Variants in PDGFA observed in about 807,000 individuals in gnomAD.
PDGFA encodes platelet derived growth factor subunit A, also known as platelet-derived growth factor subunit A.
In PDGFA, 9 loss-of-function variants were observed where a neutral mutation model predicts 25.6. That is an observed-to-expected ratio of 0.35 (90% CI 0.21 to 0.61). PDGFA has a LOEUF of 0.61. Among genes scored for constraint, PDGFA ranks in the 20% least tolerant of loss-of-function variants. The probability of loss-of-function intolerance (pLI) is 0.75; values close to 1 mark genes in which losing one functional copy is unlikely to be tolerated. For missense variants in PDGFA, 242 were observed against 272.8 expected (o/e 0.89, Z 0.79); for synonymous variants, 133 against 111.8 (o/e 1.19, Z -1.20).
At chr7:510,475 G>A (rs1335398301) in intron 4 of PDGFA, among the ~76,000 whole-genome samples, 1 of 149,282 alleles carries the variant, frequency 6.7e-6, no homozygotes, top group African/African-American at 2.5e-5. Context: ...TGGTAGGGGC[G>A]GCCCCGGGCT....
rs537147936 is a variant in PDGFA at position 508,277 on chromosome 7, C to T, written c.453+2532G>A. The stretch of plus-strand genomic sequence containing the variant: ...CTAATGTAGCCCCAAAACTTAAATC[C>T]TCAAACATCATTTCAGTGACCCCAT... On this transcript the variant is annotated intron_variant, in intron 4 of 5. Coordinates refer to ENST00000402802, the Ensembl canonical transcript of PDGFA. Among the ~76,000 whole-genome samples the T allele has an allele frequency of 1.3e-4, 20 of 152,112 alleles. 1 individual carries two copies. The South Asian group carries it at 4.2e-3, about 32-fold the overall frequency.
At chr7:497,659 C>G (rs1372885351) in exon 6 of PDGFA, 1 of 152,062 alleles carries the variant, frequency 6.6e-6, no homozygotes, top group African/African-American at 2.4e-5. Flanking sequence ...ACGCATAGTT[C>G]TTTCAAAATG....
At position 511,978 on chromosome 7, in the gene PDGFA, C is replaced by A. The variant is rs112274424; in HGVS notation, c.265+373G>T. Among the ~76,000 whole-genome samples, 1,007 of 152,308 alleles carry A rather than the reference C, an allele frequency of 6.6e-3. 6 individuals carry two copies. The highest frequency in any genetic ancestry group is 0.022 in the African/African-American group (921 of 41,552). On this transcript the variant is annotated intron_variant, in intron 3 of 5. Transcript: ENST00000402802. ...GCGCAGGAGCACGATGCCCACACTG[C>A]GAATTGGAAATTAGGCGCGACCACG...
At chr7:516,664 C>A (rs1783117362) in intron 2 of PDGFA, among the ~76,000 whole-genome samples, 1 of 152,168 alleles carries the variant, frequency 6.6e-6, no homozygotes, top group Admixed American at 6.5e-5. Flanking sequence ...CCCTCCCACC[C>A]ACCCGTGGTC....
In PDGFA at chr7:518,883, G is replaced by A. The variant is rs1180732821; in HGVS notation, c.63+56C>T. 7 of 1,208,670 alleles carry A rather than the reference G, an allele frequency of 5.8e-6. No homozygotes were observed. The East Asian group carries it at 1.4e-4, about 24-fold the overall frequency. The allele number at this position is 1,208,670 out of a possible 1,614,324, so 74.9% of individuals were successfully genotyped here. A position where few individuals can be genotyped will look rare whatever the true frequency, so the allele number is the denominator to read the frequency against. The stretch of plus-strand genomic sequence containing the variant: ...CAGAGCCCGTGGCGCCCCAGCCGGC[G>A]GGGGGTGTGCGCCGGAGGAGCCGGC... On this transcript the variant is annotated intron_variant, in intron 1 of 5. Coordinates refer to ENST00000402802, the Ensembl canonical transcript of PDGFA.
chr7:508,549 G>A (rs1782663532), intron 4 of PDGFA, among the ~76,000 whole-genome samples: 1 of 89,216 alleles, frequency 1.1e-5, no homozygotes, highest in Non-Finnish European at 2.0e-5. Flanking sequence ...AACAGAGCAA[G>A]AAGCTGTCCC....
intron 1 of PDGFA, among the ~76,000 whole-genome samples, chr7:518,124 GAGA>G (rs1253868661): frequency 3.3e-5 from 5 of 152,188 alleles, no homozygotes; most frequent in Admixed American, 6.5e-5. Flanking sequence ...CGGCGGCCGG[GAGA>G]AGAAGCCTCC....
At chr7:508,875 G>A (rs1782681840) in intron 4 of PDGFA, among the ~76,000 whole-genome samples, 1 of 152,222 alleles carries the variant, frequency 6.6e-6, no homozygotes, top group East Asian at 1.9e-4. Context: ...GAAAACGGGA[G>A]ACTGATGCCC....
chr7:506,175 C>CAAAAAA lies in PDGFA; in HGVS notation c.453+4628_453+4633dup, dbSNP rs34159199. Among the ~76,000 whole-genome samples the CAAAAAA allele has an allele frequency of 1.9e-5, 2 of 107,350 alleles. 1 individual carries two copies. The allele number at this position is 107,350 out of a possible 152,430, so 70.4% of individuals were successfully genotyped here. A position where few individuals can be genotyped will look rare whatever the true frequency, so the allele number is the denominator to read the frequency against. On this transcript the variant is annotated intron_variant, in intron 4 of 5. Transcript: ENST00000402802. ...TGGGCAACAGAGTGAGACTCTGTCT[C>CAAAAAA]AAAAAAAAAAAAAAAATCCCTCAAG...
intron 4 of PDGFA, among the ~76,000 whole-genome samples, chr7:510,532 G>C (rs1323130017): frequency 7.5e-6 from 1 of 133,090 alleles, no homozygotes; most frequent in Non-Finnish European, 1.6e-5. Context: ...TGACGCTGCG[G>C]TGGTGGACGC....
At chr7:507,124 G>T (rs887347119) in intron 4 of PDGFA, among the ~76,000 whole-genome samples, 2 of 152,210 alleles carry the variant, frequency 1.3e-5, no homozygotes, top group African/African-American at 4.8e-5. Flanking sequence ...TCCAAAATGG[G>T]CCTCCTGTTC....
At chr7:515,789 A>G (rs1476978414) in intron 2 of PDGFA, among the ~76,000 whole-genome samples, 1 of 151,988 alleles carries the variant, frequency 6.6e-6, no homozygotes, top group Non-Finnish European at 1.5e-5. Context: ...GGACCCTACG[A>G]CCTAGAAGCC....
At chr7:514,544 T>C (rs28667753) in intron 2 of PDGFA, among the ~76,000 whole-genome samples, 37,272 of 152,022 alleles carry the variant, frequency 0.25, 5,707 homozygotes, top group Middle Eastern at 0.4. Context: ...CCGGCAAGAA[T>C]CACCCCTAAA....
At chr7:520,010 G>A (rs1048005425), upstream of PDGFA, 1 of 377,216 alleles carries the variant, frequency 2.7e-6, no homozygotes, top group Non-Finnish European at 5.2e-6. Context: ...GGGCGCCGCC[G>A]CCGCGGCAGG....
At chr7:519,182 C>A (rs913316208) in exon 1 of PDGFA, 3 of 453,102 alleles carry the variant, frequency 6.6e-6, no homozygotes, top group East Asian at 3.6e-5. Context: ...TGCGGAGAGG[C>A]AGGCAGCGCC....
intron 2 of PDGFA, among the ~76,000 whole-genome samples, chr7:516,655 C>T (rs1783116648): frequency 6.6e-6 from 1 of 152,132 alleles, no homozygotes; most frequent in Admixed American, 6.5e-5. Context: ...CACCCTCGCC[C>T]CTCCCACCCA....
upstream of PDGFA, among the ~76,000 whole-genome samples, chr7:519,731 G>T (rs1016662594): frequency 1.2e-4 from 17 of 146,210 alleles, no homozygotes; most frequent in Middle Eastern, 3.4e-3. Flanking sequence ...CGGGCCTGAG[G>T]GCGGGCGCAA....
At chr7:501,269 T>C (rs762870794) in intron 4 of PDGFA, 27 bp from the exon 5 acceptor site, 17 of 1,613,202 alleles carry the variant, frequency 1.1e-5, no homozygotes, top group Admixed American at 1.7e-5. Flanking sequence ...AGCCCGGCCA[T>C]GAATGCCTGC....
Position 505,052 on chromosome 7 carries a change from T to G in PDGFA, c.454-3810A>C, listed in dbSNP as rs1184044019. On this transcript the variant is annotated intron_variant, in intron 4 of 5. Transcript: ENST00000402802. ...CGATGATTGCACCTGTTTCTGAGTA[T>G]GCCAGGATTCCGGGCCGTTCCGCCA... 3.3e-5 allele frequency among the ~76,000 whole-genome samples: 5 copies of G among 152,374 alleles called. No individual in the cohort carries two copies. The East Asian group carries it at 9.6e-4, about 29-fold the overall frequency.
Sources: gnomAD v4.1 joint callset for allele counts (sites outside exome capture counted in the v4.1 genomes callset) on GRCh38, gnomAD v4.1.1 for gene constraint, MANE v1.5 for transcripts, NCBI Gene and HGNC (gene_info 2026-07-23, HGNC 2026-07-21) for gene names.